GRM8: variants seen among roughly 807,000 people sequenced by gnomAD.
GRM8 encodes the protein glutamate metabotropic receptor 8.
A neutral mutation model predicts 87.2 loss-of-function variants in GRM8; 47 were observed. That is an observed-to-expected ratio of 0.54 (90% CI 0.43 to 0.69). The LOEUF (loss-of-function observed/expected upper bound fraction) is 0.69. GRM8 is among the 30% of genes least tolerant of loss of function. GRM8 has a pLI of 0.00. For synonymous variants in GRM8, 396 were observed against 404.5 expected, an observed-to-expected ratio of 0.98 and a Z score of 0.25; for missense variants, 1,019 against 1,139.2, an observed-to-expected ratio of 0.89 and a Z score of 1.52.
intron 2 of GRM8, among the ~76,000 whole-genome samples, chr7:127,166,955 G>C (rs1266281118): frequency 6.6e-6 from 1 of 151,546 alleles, no homozygotes; most frequent in African/African-American, 2.4e-5. Flanking sequence ...TTCTTTTTTT[G>C]CTCCTTTTGT....
intron 9 of GRM8, among the ~76,000 whole-genome samples, chr7:126,482,617 A>G (rs1806825640): frequency 1.3e-5 from 2 of 152,024 alleles, no homozygotes; most frequent in African/African-American, 2.4e-5. Flanking sequence ...ACAAAGCAGA[A>G]TGGTAGATCC....
intron 1 of GRM8, among the ~76,000 whole-genome samples, chr7:127,249,062 T>C (rs17866908): frequency 0.013 from 2,044 of 152,316 alleles, 50 homozygotes; most frequent in African/African-American, 0.046. Flanking sequence ...CTTCTACCGC[T>C]GGGTCATGAC....
intron 6 of GRM8, among the ~76,000 whole-genome samples, chr7:126,805,342 C>G (rs573259223): frequency 9.8e-5 from 15 of 152,340 alleles, no homozygotes; most frequent in Admixed American, 5.2e-4. Flanking sequence ...ACAACTGGAA[C>G]TATTTAACAT....
chr7:126,906,263 A>G (rs951685150), intron 3 of GRM8, among the ~76,000 whole-genome samples: 1 of 152,174 alleles, frequency 6.6e-6, no homozygotes, highest in Non-Finnish European at 1.5e-5. Context: ...TTCAGCCTCC[A>G]GAACTGTAAA....
At chr7:127,079,006 A>G (rs1196564784) in intron 3 of GRM8, among the ~76,000 whole-genome samples, 1 of 152,206 alleles carries the variant, frequency 6.6e-6, no homozygotes, top group Non-Finnish European at 1.5e-5. Context: ...AATAATTTTG[A>G]TCTCATCTTC....
At chr7:126,777,477 T>C (rs564861892) in intron 6 of GRM8, among the ~76,000 whole-genome samples, 12 of 152,128 alleles carry the variant, frequency 7.9e-5, no homozygotes, top group Non-Finnish European at 1.6e-4. Flanking sequence ...TTTCCTTTGA[T>C]TCTTCCAGTT....
At chr7:126,993,745 G>A (rs899361474) in intron 3 of GRM8, among the ~76,000 whole-genome samples, 18 of 152,186 alleles carry the variant, frequency 1.2e-4, no homozygotes, top group African/African-American at 4.1e-4. Flanking sequence ...AAGCAAAAGC[G>A]TGATGAACTC....
intron 7 of GRM8, among the ~76,000 whole-genome samples, chr7:126,760,871 T>C (rs924100428): frequency 2.0e-5 from 3 of 152,150 alleles, no homozygotes; most frequent in African/African-American, 7.2e-5. Context: ...AATTTTTCCA[T>C]ATAATGAATT....
chr7:126,542,076 C>A (rs1038246876), intron 8 of GRM8, among the ~76,000 whole-genome samples: 4 of 152,112 alleles, frequency 2.6e-5, no homozygotes, highest in African/African-American at 4.8e-5. Flanking sequence ...AAGGAGAAAA[C>A]CATCTAAAAG....
chr7:127,154,926 C>A (rs544836822), intron 2 of GRM8, among the ~76,000 whole-genome samples: 4 of 151,970 alleles, frequency 2.6e-5, no homozygotes, highest in African/African-American at 9.7e-5. Context: ...AAAAGACATG[C>A]GGGTTATGGA....
At chr7:127,069,254 G>A (rs1230508458) in intron 3 of GRM8, among the ~76,000 whole-genome samples, 3 of 152,110 alleles carry the variant, frequency 2.0e-5, no homozygotes, top group African/African-American at 7.2e-5. Context: ...CCTCCACCCT[G>A]TGAGTTCAAG....
intron 7 of GRM8, among the ~76,000 whole-genome samples, chr7:126,639,137 C>T (rs1802136566): frequency 6.6e-6 from 1 of 152,228 alleles, no homozygotes; most frequent in South Asian, 2.1e-4. Flanking sequence ...CTTTCAAGTG[C>T]TTGTCCAGAT....
chr7:127,019,146 C>T (rs1298374308), intron 3 of GRM8, among the ~76,000 whole-genome samples: 1 of 152,048 alleles, frequency 6.6e-6, no homozygotes, highest in Non-Finnish European at 1.5e-5. Context: ...ACAGTTACTA[C>T]ACAAACACAT....
intron 6 of GRM8, among the ~76,000 whole-genome samples, chr7:126,852,277 C>A (rs1208376011): frequency 6.6e-6 from 1 of 152,296 alleles, no homozygotes; most frequent in South Asian, 2.1e-4. Context: ...TGAGCCATAA[C>A]ATTGTGCTTT....
chr7:126,466,132 A>G (rs1804476936), intron 9 of GRM8, among the ~76,000 whole-genome samples: 1 of 151,856 alleles, frequency 6.6e-6, no homozygotes, highest in Non-Finnish European at 1.5e-5. Context: ...TCTTGTTCTC[A>G]GTCTTTCAGT....
intron 7 of GRM8, among the ~76,000 whole-genome samples, chr7:126,726,157 G>A (rs1329751286): frequency 6.6e-6 from 1 of 152,050 alleles, no homozygotes; most frequent in Non-Finnish European, 1.5e-5. Flanking sequence ...TCTTTTAAGA[G>A]TGTCTGATGA....
chr7:126,937,808 T>C (rs1438031042), intron 3 of GRM8, among the ~76,000 whole-genome samples: 2 of 152,182 alleles, frequency 1.3e-5, no homozygotes, highest in African/African-American at 4.8e-5. Flanking sequence ...TCCACCCTGA[T>C]AGAGAGGCCT....
At position 127,242,827 on chromosome 7, in the gene GRM8, T is replaced by C; in HGVS notation, c.378A>G (p.Lys126=). 1 of 1,614,188 alleles carries C rather than the reference T, an allele frequency of 6.2e-7. No individual in the cohort carries two copies. Among genetic ancestry groups the C allele is most frequent in the Non-Finnish European group, 8.5e-7 (1 of 1,180,028 alleles). The part of the protein sequence containing the change: ...SLTFVQALIE[K]DASDVKCANG... ...TAGCACACTTCACATCCGAAGCATC[T>C]TTCTCTATTAATGCCTGCACGAATG... Residue 126 remains lysine, a synonymous_variant, in exon 2 of 11, where the codon AAA becomes AAG. Coordinates refer to ENST00000339582, the MANE Select transcript of GRM8 (RefSeq NM_000845.3).
chr7:126,459,152 G>GT (rs1563028556), intron 9 of GRM8, among the ~76,000 whole-genome samples: 4 of 151,272 alleles, frequency 2.6e-5, no homozygotes, highest in African/African-American at 9.7e-5. Flanking sequence ...AAAATAAGAT[G>GT]TAAGTACCAG....
Sources: gnomAD v4.1 joint callset for allele counts (sites outside exome capture counted in the v4.1 genomes callset) on GRCh38, gnomAD v4.1.1 for gene constraint, MANE v1.5 for transcripts, NCBI Gene and HGNC (gene_info 2026-07-23, HGNC 2026-07-21) for gene names.